The following SLC9A9 variants were observed in gnomAD, a reference collection of about 807,000 sequenced individuals.
SLC9A9 encodes the protein sodium/hydrogen exchanger 9.
In SLC9A9, 62 loss-of-function variants were observed where a neutral mutation model predicts 77.8. The ratio of observed to expected loss-of-function variants is 0.80; its 90% confidence interval spans 0.65 to 0.98. The LOEUF is 0.98. Ranked by LOEUF, SLC9A9 falls within the 50% of genes least tolerant of loss-of-function variation. SLC9A9 has a pLI of 0.00. For missense variants in SLC9A9, 775 were observed against 774.9 expected (o/e 1.00, Z 0.00); for synonymous variants, 320 against 283.5 (o/e 1.13, Z -1.29).
chr3:143,757,835 G>A (rs796204666), intron 4 of SLC9A9, among the ~76,000 whole-genome samples: 5 of 152,190 alleles, frequency 3.3e-5, no homozygotes, highest in African/African-American at 9.6e-5. Flanking sequence ...AGAAAGGGGG[G>A]TAGTATGAAG....
chr3:143,413,094 T>C (rs1475804311), intron 12 of SLC9A9, among the ~76,000 whole-genome samples: 4 of 152,226 alleles, frequency 2.6e-5, no homozygotes, highest in Non-Finnish European at 4.4e-5. Flanking sequence ...CTCATGGTGA[T>C]GTTATTGAAC....
At chr3:143,810,990 G>A (rs1204458456) in intron 2 of SLC9A9, among the ~76,000 whole-genome samples, 1 of 152,116 alleles carries the variant, frequency 6.6e-6, no homozygotes, top group Non-Finnish European at 1.5e-5. Flanking sequence ...CAGCATATGA[G>A]TTGGATTTTG....
intron 5 of SLC9A9, among the ~76,000 whole-genome samples, chr3:143,666,095 G>A (rs775939203): frequency 2.0e-5 from 3 of 152,256 alleles, no homozygotes; most frequent in African/African-American, 4.8e-5. Flanking sequence ...ATGAAATACT[G>A]TCAAACTGAA....
intron 12 of SLC9A9, among the ~76,000 whole-genome samples, chr3:143,430,585 C>T (rs1440282434): frequency 2.0e-5 from 3 of 152,180 alleles, no homozygotes; most frequent in Non-Finnish European, 4.4e-5. Context: ...AGAGTGGGTG[C>T]TTCAGCAGCT....
chr3:143,442,720 A>G (rs941643780), intron 12 of SLC9A9, among the ~76,000 whole-genome samples: 1 of 152,220 alleles, frequency 6.6e-6, no homozygotes, highest in East Asian at 1.9e-4. Context: ...GTGAAACTCC[A>G]TCTCAATAAA....
intron 11 of SLC9A9, among the ~76,000 whole-genome samples, chr3:143,483,137 C>A (rs1191034728): frequency 6.6e-6 from 1 of 152,190 alleles, no homozygotes; most frequent in Non-Finnish European, 1.5e-5. Context: ...GAGACAGATT[C>A]CTGACGTTGA....
At chr3:143,335,120 A>G (rs1424985227) in intron 14 of SLC9A9, among the ~76,000 whole-genome samples, 1 of 152,188 alleles carries the variant, frequency 6.6e-6, no homozygotes, top group African/African-American at 2.4e-5. Flanking sequence ...CAAGATCAAC[A>G]CAAAAAATCA....
At chr3:143,375,378 T>C (rs2033159203) in intron 13 of SLC9A9, among the ~76,000 whole-genome samples, 1 of 152,242 alleles carries the variant, frequency 6.6e-6, no homozygotes, top group Admixed American at 6.5e-5. Context: ...TTCATACACC[T>C]GTTTTTTAGG....
intron 12 of SLC9A9, among the ~76,000 whole-genome samples, chr3:143,426,422 A>G (rs182453009): frequency 6.4e-4 from 97 of 152,334 alleles, no homozygotes; most frequent in African/African-American, 2.2e-3. Flanking sequence ...TTGGATTTCT[A>G]AGAAACATCT....
chr3:143,727,898 A>G (rs774362932), intron 4 of SLC9A9, among the ~76,000 whole-genome samples: 12 of 152,186 alleles, frequency 7.9e-5, no homozygotes, highest in Non-Finnish European at 1.3e-4. Flanking sequence ...ATACTTATTG[A>G]TGTCTATTTT....
chr3:143,573,652 C>T (rs1281975438), intron 8 of SLC9A9, among the ~76,000 whole-genome samples: 1 of 151,604 alleles, frequency 6.6e-6, no homozygotes, highest in Non-Finnish European at 1.5e-5. Flanking sequence ...AAGATCTCAA[C>T]CACCGACGTG....
rs188024174 is a variant in SLC9A9, at chr3:143,315,197, C to G, written c.1605-46217G>C. 6.6e-5 allele frequency among the ~76,000 whole-genome samples: 10 copies of G among 152,282 alleles called. No individual in the cohort carries two copies. The East Asian group carries it at 1.5e-3, about 24-fold the overall frequency. ...AAATTTAAAGTACCTCAGCTATAAG[C>G]CCCAGTAAAGACAAGTTGTAGTATA... On this transcript the variant is annotated intron_variant, in intron 14 of 15. Transcript: ENST00000316549.
chr3:143,480,519 T>C (rs1473744289), intron 11 of SLC9A9, among the ~76,000 whole-genome samples: 1 of 152,250 alleles, frequency 6.6e-6, no homozygotes, highest in African/African-American at 2.4e-5. Flanking sequence ...CTTGACACAG[T>C]TGTTAAAACA....
intron 12 of SLC9A9, among the ~76,000 whole-genome samples, chr3:143,416,827 A>T (rs149623669): frequency 1.3e-5 from 2 of 152,340 alleles, no homozygotes; most frequent in African/African-American, 4.8e-5. Flanking sequence ...GTATGTGTAC[A>T]TATGTGTGTA....
rs1303412950 is a variant in SLC9A9 at position 143,495,317 on chromosome 3, C to T, written c.1203+18G>A. 1 of 1,557,262 alleles carries T rather than the reference C, an allele frequency of 6.4e-7. No homozygotes were observed. On this transcript the variant is annotated intron_variant, in intron 10 of 15. Coordinates refer to ENST00000316549, the MANE Select transcript of SLC9A9 (RefSeq NM_173653.4). The stretch of plus-strand genomic sequence containing the variant: ...TTATCTTCTCTAATCACCCCATGTT[C>T]TGTATTTCAAAGGATACAAAGGCTC...
intron 5 of SLC9A9, among the ~76,000 whole-genome samples, chr3:143,663,939 A>G (rs1488365313): frequency 6.6e-6 from 1 of 152,210 alleles, no homozygotes; most frequent in African/African-American, 2.4e-5. Flanking sequence ...TCCCCAGTCT[A>G]GCAAGGCAGG....
At chr3:143,280,239 C>A (rs764132480) in intron 14 of SLC9A9, among the ~76,000 whole-genome samples, 3 of 148,746 alleles carry the variant, frequency 2.0e-5, no homozygotes, top group Non-Finnish European at 2.9e-5. Context: ...GAATGCATGC[C>A]CTGCAGCTCT....
chr3:143,665,957 C>T (rs760333446), intron 5 of SLC9A9, among the ~76,000 whole-genome samples: 22 of 152,262 alleles, frequency 1.4e-4, no homozygotes, highest in South Asian at 4.1e-4. Flanking sequence ...TAGAAAAAGA[C>T]GGAATCCTTC....
chr3:143,718,402 T>C (rs1934410547), intron 4 of SLC9A9, among the ~76,000 whole-genome samples: 1 of 152,208 alleles, frequency 6.6e-6, no homozygotes, highest in Admixed American at 6.5e-5. Context: ...TTTGAAACAG[T>C]ATCCATAACA....
Sources: gnomAD v4.1 joint callset for allele counts (sites outside exome capture counted in the v4.1 genomes callset) on GRCh38, gnomAD v4.1.1 for gene constraint, MANE v1.5 for transcripts, NCBI Gene and HGNC (gene_info 2026-07-23, HGNC 2026-07-21) for gene names.